The following STK38 variants were observed in gnomAD, a reference collection of about 807,000 sequenced individuals.
STK38 encodes serine/threonine-protein kinase 38.
STK38 carries 26 observed loss-of-function variants against 59.0 expected under a neutral mutation model. That is an observed-to-expected ratio of 0.44 (90% confidence interval 0.32 to 0.61). STK38 has a LOEUF of 0.61. Ranked by LOEUF, STK38 falls within the 20% of genes least tolerant of loss-of-function variation. The pLI, the probability that STK38 is intolerant of heterozygous loss-of-function variation, is 0.04. For missense variants in STK38, 433 were observed against 566.0 expected, an observed-to-expected ratio of 0.76 and a Z score of 2.38; for synonymous variants, 175 against 176.6, an observed-to-expected ratio of 0.99 and a Z score of 0.07.
chr6:36,544,453 TTGG>T (rs1305445009), intron 1 of STK38, among the ~76,000 whole-genome samples: 3 of 152,086 alleles, frequency 2.0e-5, no homozygotes, highest in Non-Finnish European at 2.9e-5. Context: ...CTAAGTGTGT[TTGG>T]TGAAGAAATT....
chr6:36,534,013 A>G (rs995995180), intron 2 of STK38, among the ~76,000 whole-genome samples: 1 of 152,222 alleles, frequency 6.6e-6, no homozygotes, highest in Non-Finnish European at 1.5e-5. Flanking sequence ...TCCCATGTAA[A>G]TTATCACTTA....
At chr6:36,516,288 A>G (rs1777249899) in intron 6 of STK38, among the ~76,000 whole-genome samples, 1 of 152,192 alleles carries the variant, frequency 6.6e-6, no homozygotes, top group African/African-American at 2.4e-5. Context: ...AGCAACATAA[A>G]ATGGCAGAAA....
intron 2 of STK38, among the ~76,000 whole-genome samples, chr6:36,530,481 C>T (rs945472079): frequency 2.8e-4 from 43 of 151,220 alleles, no homozygotes; most frequent in African/African-American, 9.7e-4. Context: ...TCTTCTGCCT[C>T]AGCCTCCCGG....
chr6:36,498,569 T>C, intron 10 of STK38, 83 bp from the exon 11 acceptor site: 1 of 1,479,676 alleles, frequency 6.8e-7, no homozygotes, highest in Non-Finnish European at 9.1e-7. Flanking sequence ...TAAAATTCTA[T>C]GTCTTTTTTT....
chr6:36,534,028 C>T (rs1777730540), intron 2 of STK38, among the ~76,000 whole-genome samples: 1 of 152,134 alleles, frequency 6.6e-6, no homozygotes, highest in African/African-American at 2.4e-5. Context: ...CACTTACACC[C>T]TCATGAAGAA....
At chr6:36,507,394 T>C (rs1246207736) in intron 8 of STK38, 106 bp downstream of exon 8, 22 of 934,802 alleles carry the variant, frequency 2.4e-5, no homozygotes, top group African/African-American at 3.3e-5. Flanking sequence ...ATTCTCTACA[T>C]ACTCAAAGTG....
intron 7 of STK38, among the ~76,000 whole-genome samples, chr6:36,514,868 A>AG (rs1554167656): frequency 1.3e-5 from 2 of 148,956 alleles, no homozygotes; most frequent in Non-Finnish European, 1.5e-5. Flanking sequence ...AAAAAAAAAA[A>AG]GAGGCTGGGC....
At chr6:36,517,040 A>C (rs1777272048) in intron 6 of STK38, among the ~76,000 whole-genome samples, 1 of 152,164 alleles carries the variant, frequency 6.6e-6, no homozygotes, top group African/African-American at 2.4e-5. Context: ...GATGACCCTA[A>C]ATCTAAGGGT....
intron 5 of STK38, among the ~76,000 whole-genome samples, chr6:36,521,434 CAAAAAA>C (rs202116718): frequency 7.6e-5 from 11 of 145,112 alleles, no homozygotes; most frequent in Non-Finnish European, 1.4e-4. Flanking sequence ...CGTACGACCT[CAAAAAA>C]AAAAGGCTCT....
chr6:36,540,033 C>T (rs1234923592), intron 2 of STK38, 39 bp downstream of exon 2: 2 of 1,610,654 alleles, frequency 1.2e-6, no homozygotes, highest in South Asian at 1.1e-5. Context: ...AAAGGAATGC[C>T]ACAACCATGA....
At chr6:36,517,122 C>G (rs1777275243) in intron 6 of STK38, among the ~76,000 whole-genome samples, 1 of 150,898 alleles carries the variant, frequency 6.6e-6, no homozygotes, top group Non-Finnish European at 1.5e-5. Context: ...CTTTTTTTTT[C>G]CCACCAGAGT....
Position 36,517,810 on chromosome 6 carries a change from G to C in STK38, c.421C>G (p.Leu141Val). Residue 141 changes from leucine to valine, a missense_variant, in exon 6 of 14, where the codon CTA becomes GTA. Coordinates refer to ENST00000229812, the MANE Select transcript of STK38 (RefSeq NM_007271.4). Reference sequence around the variant, plus strand: ...ACCCACAAACTGTCTGCCTCCACTAGAATGTCACGCTCCGCACGAATGTGG... The same window carrying C: ...ACCCACAAACTGTCTGCCTCCACTACAATGTCACGCTCCGCACGAATGTGG... Reference protein sequence around the residue: ...VGHIRAERDILVEADSLWVVK... With the variant: ...VGHIRAERDIVVEADSLWVVK... The C allele has an allele frequency of 1.2e-6, 2 of 1,614,126 alleles. No homozygotes were observed. The highest frequency in any genetic ancestry group is 1.1e-5 in the South Asian group (1 of 91,084).
In STK38 at chr6:36,495,133, A is replaced by T. The variant is rs541891552; in HGVS notation, c.*651T>A. 1 of 152,800 alleles carries T rather than the reference A, an allele frequency of 6.5e-6. No homozygotes were observed. The highest frequency in any genetic ancestry group is 1.5e-5 in the Non-Finnish European group (1 of 68,068). The allele number at this position is 152,800 out of a possible 1,614,324, so 9.5% of individuals were successfully genotyped here. A position where few individuals can be genotyped will look rare whatever the true frequency, so the allele number is the denominator to read the frequency against. The stretch of plus-strand genomic sequence containing the variant: ...CTCAGAAAAGCAGCATGGGTATTTT[A>T]GATGGGGGACAGGAGGAGATAAATC... On this transcript the variant is annotated 3_prime_UTR_variant, in exon 14 of 14. Transcript: ENST00000229812.
At chr6:36,507,138 CATAAAG>C (rs1189543871) in intron 8 of STK38, among the ~76,000 whole-genome samples, 8 of 152,162 alleles carry the variant, frequency 5.3e-5, no homozygotes, top group East Asian at 3.9e-4. Flanking sequence ...AAGTGACTGT[CATAAAG>C]ATAAACTTCT....
At chr6:36,514,161 A>G (rs1340951322) in intron 7 of STK38, among the ~76,000 whole-genome samples, 1 of 151,542 alleles carries the variant, frequency 6.6e-6, no homozygotes, top group Non-Finnish European at 1.5e-5. Context: ...TCTCAAAAAA[A>G]AAAAAAAAAA....
chr6:36,547,410 G>C lies in STK38; in HGVS notation c.-226C>G, dbSNP rs146108880. 2 of 152,332 alleles carry C rather than the reference G, an allele frequency of 1.3e-5. No individual in the cohort carries two copies. Among genetic ancestry groups the C allele is most frequent in the Non-Finnish European group, 2.9e-5 (2 of 68,124 alleles). The allele number at this position is 152,332 out of a possible 1,614,324, so 9.4% of individuals were successfully genotyped here. ...TGCCGGAAAAGACGCGAGCGCTGAG[G>C]GGCCAAGGCAGCCCGGTCCCCCGCC... On this transcript the variant is annotated 5_prime_UTR_variant, in exon 1 of 14. Coordinates refer to ENST00000229812, the MANE Select transcript of STK38 (RefSeq NM_007271.4).
At chr6:36,514,154 CAAAA>C (rs762095229) in intron 7 of STK38, among the ~76,000 whole-genome samples, 1 of 78,932 alleles carries the variant, frequency 1.3e-5, no homozygotes, top group Non-Finnish European at 2.7e-5. Flanking sequence ...GACTCCGTCT[CAAAA>C]AAAAAAAAAA....
At chr6:36,540,855 T>G (rs1001373401) in intron 1 of STK38, among the ~76,000 whole-genome samples, 1 of 151,552 alleles carries the variant, frequency 6.6e-6, no homozygotes, top group East Asian at 1.9e-4. Context: ...ATTACAACTG[T>G]GAGCCACCGC....
chr6:36,498,293 A>T, intron 11 of STK38, 70 bp downstream of exon 11: 1 of 1,563,028 alleles, frequency 6.4e-7, no homozygotes, highest in Non-Finnish European at 8.6e-7. Context: ...AGATAACAAA[A>T]GTTTTTAAAA....
Sources: gnomAD v4.1 joint callset for allele counts (sites outside exome capture counted in the v4.1 genomes callset) on GRCh38, gnomAD v4.1.1 for gene constraint, MANE v1.5 for transcripts, NCBI Gene and HGNC (gene_info 2026-07-23, HGNC 2026-07-21) for gene names.